Variants in GANC observed in about 807,000 individuals in gnomAD.
GANC encodes the protein neutral alpha-glucosidase C.
Under a neutral mutation model 124.2 loss-of-function variants are expected in GANC, and 117 were observed. The observed-to-expected ratio is 0.94, with a 90% confidence interval of 0.81 to 1.10. The LOEUF (loss-of-function observed/expected upper bound fraction) is 1.10, where lower values mean the gene tolerates loss of function less well. GANC is among the 50% of genes least tolerant of loss of function. The probability of loss-of-function intolerance (pLI) is 0.00; values close to 1 mark genes in which losing one functional copy is unlikely to be tolerated. For synonymous variants in GANC, 377 were observed against 376.8 expected, an observed-to-expected ratio of 1.00 and a Z score of -0.01; for missense variants, 1,140 against 1,095.0, an observed-to-expected ratio of 1.04 and a Z score of -0.58.
At chr15:42,302,727 A>C (rs575044605) in intron 6 of GANC, among the ~76,000 whole-genome samples, 1 of 152,284 alleles carries the variant, frequency 6.6e-6, no homozygotes, top group East Asian at 1.9e-4. Flanking sequence ...TCAGTAGCCA[A>C]ACTGATCAAG....
chr15:42,351,821 G>A (rs554594902), intron 23 of GANC, among the ~76,000 whole-genome samples: 3 of 152,174 alleles, frequency 2.0e-5, no homozygotes, highest in South Asian at 4.1e-4. Context: ...CATTCCTTAC[G>A]GTTTCTTTTC....
chr15:42,329,276 G>A (rs2052222128), intron 13 of GANC, 30 bp from the exon 14 acceptor site: 1 of 1,598,384 alleles, frequency 6.3e-7, no homozygotes, highest in Non-Finnish European at 8.5e-7. Flanking sequence ...CATCAATGTA[G>A]GAGTGTCATG....
intron 6 of GANC, among the ~76,000 whole-genome samples, chr15:42,302,662 G>C (rs2051957478): frequency 6.6e-6 from 1 of 152,104 alleles, no homozygotes; most frequent in South Asian, 2.1e-4. Context: ...GAACATAAAT[G>C]ACCTGATGGA....
rs547765171 is a variant in GANC, at chr15:42,325,264, C to CT, written c.1294-1033dup. Among the ~76,000 whole-genome samples the CT allele has an allele frequency of 2.0e-3, 303 of 151,978 alleles. 2 individuals carry two copies. The highest frequency in any genetic ancestry group is 6.9e-3 in the African/African-American group (287 of 41,430). On this transcript the variant is annotated intron_variant, in intron 11 of 23. Transcript: ENST00000318010. ...CTCCAGCCTGGGCGACAGAGCGAGACTCTGTCTCAAAAAACAAACAAAAAA... is the reference window on the plus strand; with the variant it reads ...CTCCAGCCTGGGCGACAGAGCGAGACTTCTGTCTCAAAAAACAAACAAAAAA...
Position 42,349,926 on chromosome 15 carries a change from G to A in GANC, c.2531+431G>A, listed in dbSNP as rs535243492. 8.6e-4 allele frequency among the ~76,000 whole-genome samples: 131 copies of A among 151,948 alleles called. 4 individuals are homozygous for A. In the South Asian group the frequency reaches 0.027, roughly 31 times the overall value. On this transcript the variant is annotated intron_variant, in intron 22 of 23. Transcript: ENST00000318010. ...AGCCTCCCAAAGTGCTGGGATTACA[G>A]GTGTGAGCCACCGTGCCCGGCGCAT... is the stretch of plus-strand genomic sequence containing the variant.
At chr15:42,323,312 A>G (rs1319167767) in intron 11 of GANC, among the ~76,000 whole-genome samples, 1 of 152,172 alleles carries the variant, frequency 6.6e-6, no homozygotes, top group African/African-American at 2.4e-5. Flanking sequence ...GCTGAAGGGT[A>G]TACAGAGATG....
chr15:42,284,181 T>C (rs2051763116), intron 3 of GANC: 1 of 599,868 alleles, frequency 1.7e-6, no homozygotes, highest in Admixed American at 3.0e-5. Context: ...ATAATTTTCC[T>C]ACTTAACACC....
intron 2 of GANC, among the ~76,000 whole-genome samples, chr15:42,277,808 G>A (rs2051688212): frequency 6.7e-6 from 1 of 148,388 alleles, no homozygotes; most frequent in South Asian, 2.2e-4. Flanking sequence ...CACCATGTTG[G>A]TCAGGCTAGT....
At chr15:42,329,548 T>C in intron 14 of GANC, 99 bp downstream of exon 14, 1 of 1,287,960 alleles carries the variant, frequency 7.8e-7, no homozygotes, top group Non-Finnish European at 1.1e-6. Flanking sequence ...TACTGTTCAT[T>C]TCTCTTTGTG....
intron 3 of GANC, among the ~76,000 whole-genome samples, chr15:42,285,517 A>G (rs951343896): frequency 6.6e-6 from 1 of 152,216 alleles, no homozygotes; most frequent in Non-Finnish European, 1.5e-5. Flanking sequence ...ATAAGAGATA[A>G]GGCACAGTGG....
intron 3 of GANC, among the ~76,000 whole-genome samples, chr15:42,287,432 C>A (rs938614138): frequency 1.3e-5 from 2 of 152,174 alleles, no homozygotes; most frequent in Non-Finnish European, 2.9e-5. Context: ...AGACTTCTTT[C>A]ACTCTGAAGA....
intron 6 of GANC, among the ~76,000 whole-genome samples, chr15:42,298,231 A>G (rs1038140794): frequency 6.6e-6 from 1 of 152,234 alleles, no homozygotes; most frequent in African/African-American, 2.4e-5. Flanking sequence ...AGCATATTCC[A>G]TTTGAAGAAA....
At chr15:42,347,979 A>G in intron 20 of GANC, 124 bp from the exon 21 acceptor site, 1 of 564,238 alleles carries the variant, frequency 1.8e-6, no homozygotes, top group South Asian at 2.9e-5. Flanking sequence ...GTGCCCCAAA[A>G]TTTATTTTGC....
intron 10 of GANC, chr15:42,314,065 C>T (rs747520766): frequency 1.4e-6 from 1 of 710,440 alleles, no homozygotes; most frequent in East Asian, 2.6e-5. Context: ...CTGTGACAGC[C>T]TACCTCTTTT....
chr15:42,313,975 A>ACAACAACAG, intron 10 of GANC: 1 of 662,152 alleles, frequency 1.5e-6, no homozygotes, highest in Non-Finnish European at 2.7e-6. Flanking sequence ...AACAACAACA[A>ACAACAACAG]CAAAATTAAT....
chr15:42,333,507 ATC>A (rs2141067788), intron 15 of GANC, among the ~76,000 whole-genome samples: 1 of 152,266 alleles, frequency 6.6e-6, no homozygotes, highest in South Asian at 2.1e-4. Flanking sequence ...GTGGTATATA[ATC>A]TCTCATCACA....
intron 3 of GANC, among the ~76,000 whole-genome samples, chr15:42,284,774 C>A (rs2051770862): frequency 6.6e-6 from 1 of 152,150 alleles, no homozygotes. Flanking sequence ...CACTGAGTAG[C>A]TGGGGCTATA....
intron 16 of GANC, among the ~76,000 whole-genome samples, chr15:42,339,252 T>C (rs2052308921): frequency 1.3e-5 from 2 of 151,868 alleles, no homozygotes; most frequent in South Asian, 2.1e-4. Context: ...TCTGTTTTTA[T>C]CTTAGTTCAG....
At position 42,292,744 on chromosome 15, in the gene GANC, A is replaced by T; in HGVS notation, c.339A>T (p.Ser113=). 6.2e-7 allele frequency: 1 copy of T among 1,613,276 alleles called. No individual in the cohort carries two copies. The highest frequency in any genetic ancestry group is 1.1e-5 in the South Asian group (1 of 90,972). The change falls in exon 5 of 24, where the codon TCA becomes TCT. Residue 113 remains serine (S), a synonymous_variant. Transcript: ENST00000318010. Reference sequence around the variant, plus strand: ...CTGTTTTGTTTTCTAGGCTGATTTCATGCTCTGGGGACACAGGCAGTCTGA... The same window carrying T: ...CTGTTTTGTTTTCTAGGCTGATTTCTTGCTCTGGGGACACAGGCAGTCTGA... ...TSKPSTVRLI[S]CSGDTGSLIL...
Sources: gnomAD v4.1 joint callset for allele counts (sites outside exome capture counted in the v4.1 genomes callset) on GRCh38, gnomAD v4.1.1 for gene constraint, MANE v1.5 for transcripts, NCBI Gene and HGNC (gene_info 2026-07-23, HGNC 2026-07-21) for gene names.